Variants in CALN1 observed in about 807,000 individuals in gnomAD.
CALN1 encodes calneuron 1, also known as calcium-binding protein 8.
A neutral mutation model predicts 30.6 loss-of-function variants in CALN1; 17 were observed. The ratio of observed to expected loss-of-function variants is 0.56; its 90% CI spans 0.38 to 0.83. CALN1 has a LOEUF of 0.83. Ranked by LOEUF, CALN1 falls within the 40% of genes least tolerant of loss-of-function variation. The pLI is 0.00. For missense variants in CALN1, 291 were observed against 354.9 expected, an observed-to-expected ratio of 0.82 and a Z score of 1.45; for synonymous variants, 156 against 131.4, an observed-to-expected ratio of 1.19 and a Z score of -1.28.
intron 2 of CALN1, among the ~76,000 whole-genome samples, chr7:72,392,640 T>C (rs1805649907): frequency 6.6e-6 from 1 of 152,114 alleles, no homozygotes; most frequent in Non-Finnish European, 1.5e-5. Flanking sequence ...ACTAATCCTC[T>C]CCCTTACCCC....
chr7:71,826,725 G>T (rs192750006), intron 5 of CALN1, among the ~76,000 whole-genome samples: 129 of 152,232 alleles, frequency 8.5e-4, no homozygotes, highest in African/African-American at 3.0e-3. Context: ...ATTTCCTACA[G>T]GTCTCGCCCA....
At chr7:72,120,059 G>T (rs533237193) in intron 3 of CALN1, among the ~76,000 whole-genome samples, 2 of 152,200 alleles carry the variant, frequency 1.3e-5, no homozygotes, top group South Asian at 4.1e-4. Flanking sequence ...CTGTCACCCA[G>T]GTAGTGAGCA....
At chr7:72,302,241 T>G (rs1316853611) in intron 2 of CALN1, among the ~76,000 whole-genome samples, 8 of 152,154 alleles carry the variant, frequency 5.3e-5, no homozygotes, top group Non-Finnish European at 1.2e-4. Flanking sequence ...GCCTGTCAGC[T>G]GCTATATGGG....
At chr7:71,925,003 G>C (rs551101909) in intron 5 of CALN1, among the ~76,000 whole-genome samples, 4 of 152,312 alleles carry the variant, frequency 2.6e-5, no homozygotes, top group African/African-American at 9.6e-5. Context: ...CACTTTGGGA[G>C]GCCGAGGTGG....
At chr7:72,336,206 G>T (rs945100841) in intron 2 of CALN1, among the ~76,000 whole-genome samples, 2 of 152,076 alleles carry the variant, frequency 1.3e-5, no homozygotes, top group Non-Finnish European at 2.9e-5. Flanking sequence ...CCTGCCTCCC[G>T]CCTCCCCCGA....
chr7:71,939,210 C>T (rs899997944), intron 5 of CALN1, among the ~76,000 whole-genome samples: 1 of 151,924 alleles, frequency 6.6e-6, no homozygotes, highest in Non-Finnish European at 1.5e-5. Flanking sequence ...CTACTTATTC[C>T]GTGTTTAACA....
At chr7:72,010,695 C>A (rs1800019970) in intron 5 of CALN1, among the ~76,000 whole-genome samples, 1 of 151,682 alleles carries the variant, frequency 6.6e-6, no homozygotes, top group South Asian at 2.1e-4. Context: ...TGTCTGTAAT[C>A]CCAGCTACTC....
chr7:72,362,320 C>T (rs1250837697), intron 2 of CALN1, among the ~76,000 whole-genome samples: 1 of 152,114 alleles, frequency 6.6e-6, no homozygotes, highest in East Asian at 1.9e-4. Flanking sequence ...TAGAAGATTT[C>T]CACCATGTAC....
At chr7:72,204,892 C>T (rs747214938) in intron 3 of CALN1, among the ~76,000 whole-genome samples, 4 of 152,176 alleles carry the variant, frequency 2.6e-5, no homozygotes, top group Middle Eastern at 3.4e-3. Context: ...AGGCAATTCA[C>T]GTTTTTAAAC....
chr7:72,271,527 G>C (rs1796968048), intron 3 of CALN1, among the ~76,000 whole-genome samples: 1 of 124,478 alleles, frequency 8.0e-6, no homozygotes, highest in Non-Finnish European at 1.6e-5. Flanking sequence ...CTCATGAGTA[G>C]TTAGGATTAT....
chr7:71,841,756 A>C lies in CALN1; in HGVS notation c.502-31264T>G, dbSNP rs182003574. Among the ~76,000 whole-genome samples, 13 of 152,210 alleles carry C rather than the reference A, an allele frequency of 8.5e-5. No homozygotes were observed. In the East Asian group the frequency reaches 2.5e-3, roughly 30 times the overall value. ...TAAGTGAATTAACACAGAAACAGAA[A>C]ACCAAACACTGCATGTTCTCAATTG... On this transcript the variant is annotated intron_variant, in intron 5 of 6. Coordinates refer to ENST00000395275, the MANE Select transcript of CALN1 (RefSeq NM_031468.4).
intron 2 of CALN1, among the ~76,000 whole-genome samples, chr7:72,304,477 C>T (rs995120285): frequency 2.0e-5 from 3 of 152,030 alleles, no homozygotes; most frequent in Non-Finnish European, 4.4e-5. Context: ...GGCCCCATCT[C>T]TACAAAATTA....
At chr7:72,405,664 G>C (rs368187255) in intron 1 of CALN1, among the ~76,000 whole-genome samples, 4 of 151,700 alleles carry the variant, frequency 2.6e-5, no homozygotes, top group Admixed American at 1.3e-4. Flanking sequence ...GACTTCTCTA[G>C]TTAGCTCGTT....
At chr7:72,394,030 A>C (rs140238075) in intron 2 of CALN1, among the ~76,000 whole-genome samples, 1 of 152,214 alleles carries the variant, frequency 6.6e-6, no homozygotes, top group Non-Finnish European at 1.5e-5. Context: ...TTTCCAAGAG[A>C]TGGGGTCAGC....
the CALN1 span, among the ~76,000 whole-genome samples, chr7:72,477,635 T>C: frequency 6.6e-6 from 1 of 152,184 alleles, no homozygotes. Flanking sequence ...TTGTCCAGGC[T>C]GGTCTTGAAC....
intron 3 of CALN1, among the ~76,000 whole-genome samples, chr7:72,277,853 C>A (rs1008206892): frequency 6.6e-6 from 1 of 152,086 alleles, no homozygotes; most frequent in African/African-American, 2.4e-5. Flanking sequence ...GACTTCTCTA[C>A]TTGAGAAAGT....
At chr7:71,934,872 G>C (rs1220801407) in intron 5 of CALN1, among the ~76,000 whole-genome samples, 2 of 152,178 alleles carry the variant, frequency 1.3e-5, no homozygotes, top group African/African-American at 4.8e-5. Context: ...GCAGAGAAGA[G>C]AGAGAACTTG....
chr7:71,795,694 C>T (rs956086644), intron 6 of CALN1, among the ~76,000 whole-genome samples: 1 of 152,242 alleles, frequency 6.6e-6, no homozygotes, highest in African/African-American at 2.4e-5. Context: ...AAGGATTTGC[C>T]TGCTCTGAAT....
intron 5 of CALN1, among the ~76,000 whole-genome samples, chr7:71,992,018 C>A (rs553341605): frequency 6.6e-6 from 1 of 152,252 alleles, no homozygotes; most frequent in South Asian, 2.1e-4. Context: ...ATAGATTATT[C>A]TTCTTCCTTA....
Sources: allele counts gnomAD v4.1 joint callset (sites outside exome capture counted in the v4.1 genomes callset), GRCh38; gene constraint gnomAD v4.1.1; transcripts MANE v1.5; gene names NCBI Gene and HGNC (gene_info 2026-07-23, HGNC 2026-07-21).